The following TFEC variants were observed in gnomAD, a reference collection of about 807,000 sequenced individuals.
The protein encoded by TFEC is transcription factor EC.
In TFEC, 31 loss-of-function variants were observed where a neutral mutation model predicts 41.6. The ratio of observed to expected loss-of-function variants is 0.74; its 90% CI spans 0.56 to 1.01. The LOEUF (loss-of-function observed/expected upper bound fraction) is 1.01. TFEC is among the 50% of genes least tolerant of loss of function. The pLI, the probability that TFEC is intolerant of heterozygous loss-of-function variation, is 0.00. For synonymous variants in TFEC, 143 were observed against 140.6 expected, an observed-to-expected ratio of 1.02 and a Z score of -0.12; for missense variants, 402 against 404.1, an observed-to-expected ratio of 0.99 and a Z score of 0.04.
rs1408078712 is a variant in TFEC, at chr7:115,940,026, G to A, written c.*525C>T. On this transcript the variant is annotated 3_prime_UTR_variant, in exon 8 of 8. Transcript: ENST00000265440. The stretch of plus-strand genomic sequence containing the variant: ...ATTTGCCTTTCAACCACAAGTGACA[G>A]ATAATCTATTATACATTTATTTATC... 2 of 152,004 alleles carry A rather than the reference G, an allele frequency of 1.3e-5. No individual in the cohort carries two copies. Among genetic ancestry groups the A allele is most frequent in the African/African-American group, 2.4e-5 (1 of 41,388 alleles). 9.4% of individuals were successfully genotyped at this position (152,004 alleles called of 1,614,324 possible).
At position 116,000,518 on chromosome 7, in the gene TFEC, T is replaced by C. The variant is rs73460624; in HGVS notation, c.-72-16005A>G. On this transcript the variant is annotated intron_variant, in intron 1 of 7. Coordinates refer to ENST00000265440, the MANE Select transcript of TFEC (RefSeq NM_012252.4). ...AAGTAAATTTATTTGTGTTTGCAGA[T>C]TAAATGATCCTACATTTGGAAAAAC... Among the ~76,000 whole-genome samples the C allele has an allele frequency of 5.6e-3, 848 of 152,262 alleles. 9 individuals carry two copies. The highest frequency in any genetic ancestry group is 0.02 in the African/African-American group (819 of 41,554).
chr7:115,944,896 C>T (rs1042302690), intron 6 of TFEC, among the ~76,000 whole-genome samples: 1 of 150,988 alleles, frequency 6.6e-6, no homozygotes, highest in Non-Finnish European at 1.5e-5. Flanking sequence ...ACATGTAATA[C>T]TCTCATATTT....
At chr7:116,024,546 A>C (rs1315816037) in intron 1 of TFEC, among the ~76,000 whole-genome samples, 4 of 152,194 alleles carry the variant, frequency 2.6e-5, no homozygotes, top group Admixed American at 1.3e-4. Context: ...TCAGACAAAA[A>C]TTAGATGATA....
intron 3 of TFEC, among the ~76,000 whole-genome samples, chr7:116,107,703 C>A (rs12374699): frequency 1.3e-5 from 2 of 151,932 alleles, no homozygotes; most frequent in East Asian, 3.9e-4. Flanking sequence ...GAATCATCAG[C>A]GTTTTCAATA....
chr7:115,996,973 C>T (rs1794393786), intron 1 of TFEC, among the ~76,000 whole-genome samples: 1 of 152,182 alleles, frequency 6.6e-6, no homozygotes. Flanking sequence ...TGGCTCCCAG[C>T]TGGTATCTCT....
rs772969699 is a variant in TFEC, at chr7:115,951,821, A to G, written c.440-872T>C. Among the ~76,000 whole-genome samples, 26 of 152,146 alleles carry G rather than the reference A, an allele frequency of 1.7e-4. 1 individual carries two copies. The South Asian group carries it at 2.7e-3, about 16-fold the overall frequency. The stretch of plus-strand genomic sequence containing the variant: ...TTCATTGCTTATGGCAATTTTCTGA[A>G]CATCGTAAATGTTCAACATACAATA... On this transcript the variant is annotated intron_variant, in intron 5 of 7. Transcript: ENST00000265440.
rs1419628189 is a variant in TFEC, at chr7:115,939,898, T to C, written c.*653A>G. 1.3e-5 allele frequency: 2 copies of C among 152,070 alleles called. No homozygotes were observed. Among genetic ancestry groups the C allele is most frequent in the African/African-American group, 2.4e-5 (1 of 41,438 alleles). 9.4% of individuals were successfully genotyped at this position (152,070 alleles called of 1,614,324 possible). Reference sequence around the variant, plus strand: ...TATGCATGGATGCTTTTAGAATTAGTGTAATTGAACCAACTACAATAAAAT... The same window carrying C: ...TATGCATGGATGCTTTTAGAATTAGCGTAATTGAACCAACTACAATAAAAT... On this transcript the variant is annotated 3_prime_UTR_variant, in exon 8 of 8. Transcript: ENST00000265440.
upstream of TFEC, among the ~76,000 whole-genome samples, chr7:116,035,810 G>T (rs1795895711): frequency 6.6e-6 from 1 of 151,828 alleles, no homozygotes. Flanking sequence ...CTAATAATTT[G>T]TTGAGAGAGA....
intron 3 of TFEC, among the ~76,000 whole-genome samples, chr7:116,037,000 T>G (rs1795926777): frequency 6.6e-6 from 1 of 152,128 alleles, no homozygotes; most frequent in South Asian, 2.1e-4. Context: ...AAACAAATGT[T>G]ATTTGCCAAA....
chr7:116,064,098 A>G (rs1370033339), intron 3 of TFEC, among the ~76,000 whole-genome samples: 2 of 152,116 alleles, frequency 1.3e-5, no homozygotes, highest in African/African-American at 4.8e-5. Context: ...AGTTAGAGAG[A>G]TGCTGGCCAA....
chr7:115,968,373 AG>A, intron 3 of TFEC: 1 of 1,355,886 alleles, frequency 7.4e-7, no homozygotes, highest in Non-Finnish European at 9.6e-7. Flanking sequence ...GATTGACAAA[AG>A]CTTGCTCACT....
chr7:115,946,511 G>T (rs1791567081), intron 6 of TFEC, among the ~76,000 whole-genome samples: 1 of 150,526 alleles, frequency 6.6e-6, no homozygotes. Context: ...GAAATCCTGG[G>T]TTCAAGTGAT....
At chr7:115,947,459 G>A (rs1444398704) in intron 6 of TFEC, among the ~76,000 whole-genome samples, 1 of 151,292 alleles carries the variant, frequency 6.6e-6, no homozygotes, top group African/African-American at 2.4e-5. Flanking sequence ...TGGGTCAAAT[G>A]GTATTTCTAG....
chr7:116,065,294 C>T (rs1028903141), intron 3 of TFEC, among the ~76,000 whole-genome samples: 9 of 151,988 alleles, frequency 5.9e-5, no homozygotes, highest in African/African-American at 2.2e-4. Context: ...GCAAAAATCC[C>T]AAGACTACAA....
intron 3 of TFEC, among the ~76,000 whole-genome samples, chr7:115,965,177 A>T (rs533652431): frequency 6.6e-5 from 10 of 151,816 alleles, no homozygotes; most frequent in Non-Finnish European, 1.3e-4. Context: ...ACTTTTTTGG[A>T]TAAGATCAGT....
chr7:116,019,347 T>C (rs1795309928), intron 1 of TFEC, among the ~76,000 whole-genome samples: 1 of 152,214 alleles, frequency 6.6e-6, no homozygotes, highest in African/African-American at 2.4e-5. Context: ...AAAAGATTTA[T>C]TGGTAAACTT....
At chr7:115,959,047 C>A (rs1040530459) in intron 3 of TFEC, among the ~76,000 whole-genome samples, 1 of 151,654 alleles carries the variant, frequency 6.6e-6, no homozygotes, top group Non-Finnish European at 1.5e-5. Context: ...GTAATAAAGT[C>A]CAAGTTTTAA....
At chr7:115,960,906 T>TA (rs751792552) in intron 3 of TFEC, among the ~76,000 whole-genome samples, 1 of 151,644 alleles carries the variant, frequency 6.6e-6, no homozygotes, top group Admixed American at 6.6e-5. Context: ...CTTTCACGCT[T>TA]AAAAAATTAT....
At position 115,936,025 on chromosome 7, in the gene TFEC, C is replaced by T. The variant is rs949461138; in HGVS notation, c.*4526G>A. On this transcript the variant is annotated 3_prime_UTR_variant, in exon 8 of 8. Transcript: ENST00000265440. ...AGCTGTTTTCGGATAATCTCCTATA[C>T]ATTCAAATCTCTATGGACCTCAGAG... is the stretch of plus-strand genomic sequence containing the variant. 1 of 151,530 alleles carries T rather than the reference C, an allele frequency of 6.6e-6. No individual in the cohort carries two copies. Among genetic ancestry groups the T allele is most frequent in the African/African-American group, 2.4e-5 (1 of 41,380 alleles). 9.4% of individuals were successfully genotyped at this position (151,530 alleles called of 1,614,324 possible). A position where few individuals can be genotyped will look rare whatever the true frequency, so the allele number is the denominator to read the frequency against.
Sources: gnomAD v4.1 joint callset for allele counts (sites outside exome capture counted in the v4.1 genomes callset) on GRCh38, gnomAD v4.1.1 for gene constraint, MANE v1.5 for transcripts, NCBI Gene and HGNC (gene_info 2026-07-23, HGNC 2026-07-21) for gene names.